SNX29: variants seen among roughly 807,000 people sequenced by gnomAD.
The protein encoded by SNX29 is sorting nexin-29.
A neutral mutation model predicts 102.1 loss-of-function variants in SNX29; 78 were observed. The ratio of observed to expected loss-of-function variants is 0.76; its 90% CI spans 0.64 to 0.92. The LOEUF (loss-of-function observed/expected upper bound fraction) is 0.92, where lower values mean the gene tolerates loss of function less well. SNX29 is among the 40% of genes least tolerant of loss of function. The pLI is 0.00. For missense variants in SNX29, 1,280 were observed against 1,061.7 expected, an observed-to-expected ratio of 1.21 and a Z score of -2.86; for synonymous variants, 580 against 414.5, an observed-to-expected ratio of 1.40 and a Z score of -4.85.
chr16:12,426,096 T>A (rs74245592), intron 18 of SNX29, among the ~76,000 whole-genome samples: 7,231 of 151,572 alleles, frequency 0.048, 341 homozygotes, highest in East Asian at 0.28. Flanking sequence ...TTTTTTTTTT[T>A]AAAAAGATAC....
intron 20 of SNX29, among the ~76,000 whole-genome samples, chr16:12,548,838 C>T (rs1341392595): frequency 6.6e-6 from 1 of 152,184 alleles, no homozygotes; most frequent in Non-Finnish European, 1.5e-5. Context: ...CCCTGTCTAG[C>T]TCTCAGTTCC....
chr16:12,294,425 T>C (rs1398904906), intron 15 of SNX29, among the ~76,000 whole-genome samples: 2 of 152,142 alleles, frequency 1.3e-5, no homozygotes, highest in Non-Finnish European at 2.9e-5. Flanking sequence ...TCCGATGGGC[T>C]GAGAATGGCC....
In SNX29 at chr16:12,476,424, A is replaced by ATATATATACATG. The variant is rs1390467289; in HGVS notation, c.2038-1287_2038-1286insCATGTATATATA. ...TATATATATATATACATATATATAT[A>ATATATATACATG]TATATATATATATATATATGATGAG... is the stretch of plus-strand genomic sequence containing the variant. On this transcript the variant is annotated intron_variant, in intron 18 of 20. Transcript: ENST00000566228. Among the ~76,000 whole-genome samples the ATATATATACATG allele has an allele frequency of 3.0e-3, 268 of 89,620 alleles. 11 individuals are homozygous for ATATATATACATG. The highest frequency in any genetic ancestry group is 5.0e-3 in the Non-Finnish European group (220 of 44,380). The allele number at this position is 89,620 out of a possible 152,430, so 58.8% of individuals were successfully genotyped here. A position where few individuals can be genotyped will look rare whatever the true frequency, so the allele number is the denominator to read the frequency against.
intron 15 of SNX29, among the ~76,000 whole-genome samples, chr16:12,328,085 A>AT (rs1270179247): frequency 6.6e-6 from 1 of 152,148 alleles, no homozygotes; most frequent in Non-Finnish European, 1.5e-5. Context: ...CGGGTTGCCC[A>AT]TTGGTAAAAT....
intron 4 of SNX29, among the ~76,000 whole-genome samples, chr16:12,037,666 A>G (rs1262353677): frequency 6.6e-6 from 1 of 152,064 alleles, no homozygotes; most frequent in Admixed American, 6.6e-5. Flanking sequence ...AAGAAAGGGA[A>G]AGGGACCAGG....
intron 13 of SNX29, among the ~76,000 whole-genome samples, chr16:12,198,535 T>C (rs2076835480): frequency 6.6e-6 from 1 of 152,200 alleles, no homozygotes; most frequent in Middle Eastern, 3.2e-3. Flanking sequence ...TTCTAGCACA[T>C]TTAAAGGCAC....
chr16:12,562,549 A>G (rs2078786977), intron 20 of SNX29, among the ~76,000 whole-genome samples: 2 of 152,180 alleles, frequency 1.3e-5, no homozygotes, highest in South Asian at 4.1e-4. Context: ...GGAGTCATCT[A>G]AGACACTGTC....
At chr16:12,475,391 G>A (rs181192633) in intron 18 of SNX29, among the ~76,000 whole-genome samples, 179 of 152,300 alleles carry the variant, frequency 1.2e-3, no homozygotes, top group Middle Eastern at 3.4e-3. Context: ...TAGATCAGGG[G>A]TTATCAAACT....
intron 18 of SNX29, among the ~76,000 whole-genome samples, chr16:12,405,853 G>A (rs1239661031): frequency 6.6e-6 from 1 of 152,088 alleles, no homozygotes; most frequent in African/African-American, 2.4e-5. Context: ...GGCCAACATA[G>A]TGAAACCCCA....
At chr16:12,433,523 A>G (rs1425143475) in intron 18 of SNX29, among the ~76,000 whole-genome samples, 3 of 151,712 alleles carry the variant, frequency 2.0e-5, no homozygotes, top group East Asian at 3.9e-4. Context: ...CCCAGCTACT[A>G]AAGAGGCTGA....
intron 14 of SNX29, among the ~76,000 whole-genome samples, chr16:12,218,693 G>T (rs1383220334): frequency 2.0e-5 from 3 of 152,188 alleles, no homozygotes; most frequent in Non-Finnish European, 4.4e-5. Flanking sequence ...GCATATTAGA[G>T]TCCATCATGT....
At chr16:12,159,236 C>T (rs2141652269) in intron 13 of SNX29, among the ~76,000 whole-genome samples, 1 of 152,328 alleles carries the variant, frequency 6.6e-6, no homozygotes, top group South Asian at 2.1e-4. Context: ...ATCCCTAGTT[C>T]CAGGGATAGC....
rs11866770 is a variant in SNX29 at position 12,399,448 on chromosome 16, G to A, written c.1955+947G>A. On this transcript the variant is annotated intron_variant, in intron 17 of 20. Coordinates refer to ENST00000566228, the MANE Select transcript of SNX29 (RefSeq NM_032167.5). ...GTCTCCTCTCTCATTCATCTCTGGC[G>A]AGTTTAAGGTTCAGCACCCGTTGGG... is the stretch of plus-strand genomic sequence containing the variant. Among the ~76,000 whole-genome samples, 415 of 152,302 alleles carry A rather than the reference G, an allele frequency of 2.7e-3. 2 individuals are homozygous for A. Among genetic ancestry groups the A allele is most frequent in the African/African-American group, 9.4e-3 (392 of 41,566 alleles).
chr16:12,076,251 C>T lies in SNX29; in HGVS notation c.1320-2582C>T, dbSNP rs189586290. ...AATCACCCATCTTCTGCGTCACTCA[C>T]GCTGGGAGCTGTAGACTGGAGCTGT... On this transcript the variant is annotated intron_variant, in intron 10 of 20. Transcript: ENST00000566228. Among the ~76,000 whole-genome samples, 149 of 152,052 alleles carry T rather than the reference C, an allele frequency of 9.8e-4. 1 individual carries two copies. The highest frequency in any genetic ancestry group is 6.7e-3 in the South Asian group (32 of 4,812).
chr16:12,256,042 T>A (rs2078562891), intron 14 of SNX29, among the ~76,000 whole-genome samples: 1 of 152,164 alleles, frequency 6.6e-6, no homozygotes, highest in Non-Finnish European at 1.5e-5. Context: ...ACATTTATCT[T>A]TCTTCTATTT....
At chr16:12,260,320 A>G (rs1396160806) in intron 14 of SNX29, among the ~76,000 whole-genome samples, 1 of 152,186 alleles carries the variant, frequency 6.6e-6, no homozygotes, top group Non-Finnish European at 1.5e-5. Context: ...TGGATTTCCA[A>G]CATGAATTGT....
Position 12,567,074 on chromosome 16 carries a change from C to T in SNX29, c.2319-1432C>T, listed in dbSNP as rs370250859. ...TGCTAGGCTGTTTCAGGGAACCCTG[C>T]AGGGATCCTCGAGGGGAATGATTTC... On this transcript the variant is annotated intron_variant, in intron 20 of 20. Transcript: ENST00000566228. 5.9e-5 allele frequency among the ~76,000 whole-genome samples: 9 copies of T among 152,344 alleles called. No individual in the cohort carries two copies. In the South Asian group the frequency reaches 1.9e-3, roughly 32 times the overall value.
At chr16:12,463,821 T>A (rs927941452) in intron 18 of SNX29, among the ~76,000 whole-genome samples, 4 of 124,896 alleles carry the variant, frequency 3.2e-5, no homozygotes, top group Non-Finnish European at 5.1e-5. Context: ...GAAGTGAGTG[T>A]GTGTGTGTGT....
chr16:12,112,658 C>T (rs2053544875), intron 11 of SNX29, among the ~76,000 whole-genome samples: 1 of 152,180 alleles, frequency 6.6e-6, no homozygotes, highest in Non-Finnish European at 1.5e-5. Context: ...GGCAAGACAG[C>T]TTGTCTGAGC....
Sources: allele counts gnomAD v4.1 joint callset (sites outside exome capture counted in the v4.1 genomes callset), GRCh38; gene constraint gnomAD v4.1.1; transcripts MANE v1.5; gene names NCBI Gene and HGNC (gene_info 2026-07-23, HGNC 2026-07-21).